Variants in XRN1 observed in about 807,000 individuals in gnomAD.
XRN1 encodes the protein 5'-3' exoribonuclease 1.
XRN1 carries 67 observed loss-of-function variants against 222.3 expected under a neutral mutation model. The ratio of observed to expected loss-of-function variants is 0.30; its 90% confidence interval spans 0.25 to 0.37. The LOEUF (loss-of-function observed/expected upper bound fraction) is 0.37, where lower values mean the gene tolerates loss of function less well. Ranked by LOEUF, XRN1 falls within the 10% of genes least tolerant of loss-of-function variation. The probability of loss-of-function intolerance (pLI) is 1.00; values close to 1 mark genes in which losing one functional copy is unlikely to be tolerated. For synonymous variants in XRN1, 643 were observed against 652.4 expected, an observed-to-expected ratio of 0.99 and a Z score of 0.22; for missense variants, 1,707 against 2,000.2, an observed-to-expected ratio of 0.85 and a Z score of 2.80.
intron 1 of XRN1, among the ~76,000 whole-genome samples, chr3:142,437,555 T>C (rs1577450709): frequency 6.6e-6 from 1 of 152,254 alleles, no homozygotes; most frequent in South Asian, 2.1e-4. Context: ...ACCAATCCTA[T>C]ATTCTTTCCT....
In XRN1 at chr3:142,359,750, G is replaced by A. The variant is rs1018626819; in HGVS notation, c.3464+112C>T. 26 of 706,364 alleles carry A rather than the reference G, an allele frequency of 3.7e-5. No individual in the cohort carries two copies. The African/African-American group carries it at 4.7e-4, about 13-fold the overall frequency. The allele number at this position is 706,364 out of a possible 1,614,324, so 43.8% of individuals were successfully genotyped here. ...TTCAGTGTTACATCCCTAGTAGCAA[G>A]TACGTCTTACACATCCCACAAACTG... On this transcript the variant is annotated intron_variant, in intron 30 of 40. Coordinates refer to ENST00000392981, the MANE Select transcript of XRN1 (RefSeq NM_001282857.2).
In XRN1 at chr3:142,332,533, T is replaced by C. The variant is rs775729587; in HGVS notation, c.4064A>G (p.Lys1355Arg). The C allele has an allele frequency of 5.6e-6, 9 of 1,604,906 alleles. No individual in the cohort carries two copies. The highest frequency in any genetic ancestry group is 2.2e-5 in the East Asian group (1 of 44,680). Reference sequence around the variant, plus strand: ...AATTTCTTTAAGCATCCGTGTTCCCTTCTTTTTGAAAATGATTCACATGGA... The same window carrying C: ...AATTTCTTTAAGCATCCGTGTTCCCCTCTTTTTGAAAATGATTCACATGGA... ...EHLSPQSFAM[K>R]GTRMLKEILK... The change falls in exon 36 of 41, where the codon AAG (lysine) becomes AGG (arginine). Residue 1355 changes from lysine (K) to arginine (R), a missense_variant and splice_region_variant. By Grantham distance (26) the Lys-to-Arg change is conservative. This residue lies in a region of XRN1 where 473 missense variants were observed against 482.0 expected (regional missense o/e 0.98). Coordinates refer to ENST00000392981, the MANE Select transcript of XRN1 (RefSeq NM_001282857.2).
chr3:142,394,439 A>C (rs1486033127), intron 20 of XRN1, among the ~76,000 whole-genome samples: 1 of 152,188 alleles, frequency 6.6e-6, no homozygotes, highest in Non-Finnish European at 1.5e-5. Flanking sequence ...TTCCTGATAA[A>C]CTGATAGTCT....
At chr3:142,391,918 T>C (rs989523323) in intron 20 of XRN1, among the ~76,000 whole-genome samples, 8 of 152,044 alleles carry the variant, frequency 5.3e-5, no homozygotes, top group African/African-American at 1.9e-4. Context: ...TTTTGATTAC[T>C]AGATCTGTCA....
At chr3:142,319,825 A>C (rs1031054312) in intron 37 of XRN1, among the ~76,000 whole-genome samples, 1 of 152,110 alleles carries the variant, frequency 6.6e-6, no homozygotes, top group Non-Finnish European at 1.5e-5. Context: ...TAATGTTGCT[A>C]CAAGATACGT....
intron 12 of XRN1, chr3:142,417,877 C>CT (rs2068846174): frequency 6.6e-6 from 1 of 152,024 alleles, no homozygotes; most frequent in African/African-American, 2.4e-5. Flanking sequence ...AAAAATATTG[C>CT]TTTTTTATTA....
chr3:142,355,722 A>G (rs1335954752), intron 31 of XRN1, among the ~76,000 whole-genome samples: 2 of 151,928 alleles, frequency 1.3e-5, no homozygotes, highest in East Asian at 1.9e-4. Context: ...CCTGGGCTCA[A>G]TCCTCAGCCT....
chr3:142,315,571 C>T (rs570709332), intron 39 of XRN1, among the ~76,000 whole-genome samples: 18 of 150,684 alleles, frequency 1.2e-4, no homozygotes, highest in Non-Finnish European at 2.1e-4. Flanking sequence ...TGTAGTGGCG[C>T]GATTTCAGCT....
At chr3:142,430,090 C>T (rs963544066) in intron 2 of XRN1, among the ~76,000 whole-genome samples, 3 of 152,106 alleles carry the variant, frequency 2.0e-5, no homozygotes, top group South Asian at 2.1e-4. Context: ...AGTAAGTTCC[C>T]GAAACCACCC....
At chr3:142,322,942 G>A (rs2065400826) in intron 37 of XRN1, among the ~76,000 whole-genome samples, 1 of 152,122 alleles carries the variant, frequency 6.6e-6, no homozygotes, top group Non-Finnish European at 1.5e-5. Context: ...GGCGGAGGTT[G>A]CAGTGAGCTG....
chr3:142,431,914 A>ATATAT (rs1491452570), intron 2 of XRN1, among the ~76,000 whole-genome samples: 3,887 of 31,628 alleles, frequency 0.12, 588 homozygotes, highest in African/African-American at 0.13. Context: ...ATATATATAA[A>ATATAT]TATATATAAT....
At chr3:142,412,732 T>C in intron 14 of XRN1, 69 bp from the exon 15 acceptor site, 1 of 1,211,766 alleles carries the variant, frequency 8.3e-7, no homozygotes, top group Non-Finnish European at 1.1e-6. Context: ...TGTTAATGTA[T>C]TTATAATATT....
In XRN1 at chr3:142,405,050, T is replaced by C; in HGVS notation, c.1740A>G (p.Thr580=). 4 of 1,614,008 alleles carry C rather than the reference T, an allele frequency of 2.5e-6. No homozygotes were observed. The highest frequency in any genetic ancestry group is 2.7e-5 in the African/African-American group (2 of 75,036). ...DEKRLLEAME[T]CNHSLKKEER... is the part of the protein sequence containing the mutation. ...CTTCCTTTTTGAGGGAGTGGTTACATGTCTCCATGGCTTCCAATAATCGCT... is the reference window on the plus strand; with the variant it reads ...CTTCCTTTTTGAGGGAGTGGTTACACGTCTCCATGGCTTCCAATAATCGCT... Residue 580 remains threonine, a synonymous_variant, in exon 16 of 41, where the codon ACA becomes ACG. Transcript: ENST00000392981.
At position 142,361,963 on chromosome 3, in the gene XRN1, C is replaced by CTTTTT. The variant is rs71153961; in HGVS notation, c.3395-2037_3395-2033dup. Among the ~76,000 whole-genome samples, 51 of 51,680 alleles carry CTTTTT rather than the reference C, an allele frequency of 9.9e-4. 3 individuals carry two copies. The highest frequency in any genetic ancestry group is 2.8e-3 in the African/African-American group (31 of 11,272). 33.9% of individuals were successfully genotyped at this position (51,680 alleles called of 152,430 possible). On this transcript the variant is annotated intron_variant, in intron 29 of 40. Coordinates refer to ENST00000392981, the MANE Select transcript of XRN1 (RefSeq NM_001282857.2). The stretch of plus-strand genomic sequence containing the variant: ...CTCTTTGTTTCTTTTCTTTTTCTCT[C>CTTTTT]TTTTTTTTTTTTTTTTTTTTTTTGA...
chr3:142,384,492 A>T (rs2067424311), intron 21 of XRN1, 31 bp downstream of exon 21: 1 of 1,576,732 alleles, frequency 6.3e-7, no homozygotes, highest in East Asian at 2.3e-5. Context: ...AGTGTATATT[A>T]AGACAGAATT....
intron 1 of XRN1, 92 bp from the exon 2 acceptor site, chr3:142,432,985 A>G: frequency 1.0e-6 from 1 of 979,620 alleles, no homozygotes; most frequent in Non-Finnish European, 1.5e-6. Flanking sequence ...CAATGATGAA[A>G]AGCAGGATTT....
At chr3:142,356,826 T>A in intron 31 of XRN1, 86 bp downstream of exon 31, 1 of 1,398,804 alleles carries the variant, frequency 7.1e-7, no homozygotes, top group South Asian at 1.3e-5. Context: ...GGAAACTAAG[T>A]TAAATTAGGT....
intron 18 of XRN1, among the ~76,000 whole-genome samples, chr3:142,402,798 A>AT (rs76328683): frequency 1.1e-4 from 16 of 149,692 alleles, no homozygotes; most frequent in South Asian, 6.3e-4. Context: ...GTAAATTACA[A>AT]TTTTTTTTTT....
chr3:142,353,294 A>C (rs1045651269), intron 32 of XRN1, among the ~76,000 whole-genome samples: 5 of 152,242 alleles, frequency 3.3e-5, no homozygotes, highest in African/African-American at 1.2e-4. Flanking sequence ...TCCAGAAACT[A>C]AGGTCTGAAA....
Sources: allele counts gnomAD v4.1 joint callset (sites outside exome capture counted in the v4.1 genomes callset), GRCh38; gene constraint gnomAD v4.1.1; regional missense constraint gnomAD v4.1.1; transcripts MANE v1.5; gene names NCBI Gene and HGNC (gene_info 2026-07-23, HGNC 2026-07-21).